Variants in RNF38 observed in about 807,000 individuals in gnomAD.
The protein encoded by RNF38 is E3 ubiquitin-protein ligase RNF38.
In RNF38, 15 loss-of-function variants were observed where a neutral mutation model predicts 67.2. The ratio of observed to expected loss-of-function variants is 0.22; its 90% CI spans 0.15 to 0.34. RNF38 has a LOEUF of 0.34. Among genes scored for constraint, RNF38 ranks in the 10% least tolerant of loss-of-function variants. The pLI, the probability that RNF38 is intolerant of heterozygous loss-of-function variation, is 1.00. For synonymous variants in RNF38, 220 were observed against 218.8 expected (o/e 1.01, Z -0.05); for missense variants, 524 against 639.9 (o/e 0.82, Z 1.95).
Position 36,367,939 on chromosome 9 carries a change from C to T in RNF38, c.570+1780G>A, listed in dbSNP as rs550340900. Among the ~76,000 whole-genome samples the T allele has an allele frequency of 2.0e-5, 3 of 152,336 alleles. No homozygotes were observed. In the East Asian group the frequency reaches 5.8e-4, roughly 29 times the overall value. On this transcript the variant is annotated intron_variant, in intron 4 of 11. Coordinates refer to ENST00000259605, the MANE Select transcript of RNF38 (RefSeq NM_022781.5). ...CGAGCTTGGCTCACTGCAACCTCCA[C>T]CTCACAGGTTCAAGCGCTTCTCCTG...
chr9:36,403,291 C>T (rs1838103132), upstream of RNF38, among the ~76,000 whole-genome samples: 2 of 152,246 alleles, frequency 1.3e-5, no homozygotes, highest in South Asian at 4.1e-4. Context: ...GAAAGTCCCA[C>T]TGCAGAACTA....
At chr9:36,487,330 G>A (rs1840441810) in exon 1 of RNF38, 4 of 985,204 alleles carry the variant, frequency 4.1e-6, no homozygotes, top group Middle Eastern at 5.2e-4. Flanking sequence ...CTCGGCCGCA[G>A]GCGCCGCCAC....
chr9:36,465,358 T>TC (rs1315353518), intron 1 of RNF38, among the ~76,000 whole-genome samples: 2 of 152,312 alleles, frequency 1.3e-5, no homozygotes, highest in East Asian at 3.9e-4. Flanking sequence ...TTCTTTTTTT[T>TC]CTTTCAAGAT....
intron 4 of RNF38, among the ~76,000 whole-genome samples, chr9:36,360,281 AAGCGGT>A (rs1320755688): frequency 6.6e-6 from 1 of 152,188 alleles, no homozygotes; most frequent in Non-Finnish European, 1.5e-5. Context: ...TTGCATGTCA[AAGCGGT>A]TAGTGTTAGT....
chr9:36,386,719 C>T (rs888344562), intron 2 of RNF38, among the ~76,000 whole-genome samples: 3 of 152,186 alleles, frequency 2.0e-5, no homozygotes, highest in African/African-American at 4.8e-5. Context: ...TGACAATGAC[C>T]TCTGGTCATC....
chr9:36,356,692 T>G (rs1221235037), intron 5 of RNF38, among the ~76,000 whole-genome samples: 1 of 146,900 alleles, frequency 6.8e-6, no homozygotes, highest in Non-Finnish European at 1.5e-5. Flanking sequence ...TTTTTATAAA[T>G]TGGTTGAAAT....
intron 1 of RNF38, among the ~76,000 whole-genome samples, chr9:36,456,951 T>C (rs1839609021): frequency 6.6e-6 from 1 of 152,094 alleles, no homozygotes; most frequent in South Asian, 2.1e-4. Context: ...TCATCCAAGG[T>C]CACTGGGTTT....
intron 4 of RNF38, among the ~76,000 whole-genome samples, chr9:36,360,015 G>C (rs567168654): frequency 6.6e-6 from 1 of 152,028 alleles, no homozygotes; most frequent in East Asian, 1.9e-4. Flanking sequence ...AAAGTGTTAG[G>C]ATTATAGGCG....
chr9:36,405,356 G>T (rs891602814), upstream of RNF38, among the ~76,000 whole-genome samples: 11 of 152,250 alleles, frequency 7.2e-5, no homozygotes, highest in South Asian at 2.3e-3. Flanking sequence ...GTTAATATGT[G>T]AATTTGATTG....
chr9:36,373,194 T>C (rs776377920), intron 3 of RNF38, among the ~76,000 whole-genome samples: 7 of 152,122 alleles, frequency 4.6e-5, no homozygotes, highest in Non-Finnish European at 8.8e-5. Flanking sequence ...GCAACAAGAC[T>C]GAAACTACAT....
chr9:36,367,802 G>A (rs1454071197), intron 4 of RNF38, among the ~76,000 whole-genome samples: 1 of 152,154 alleles, frequency 6.6e-6, no homozygotes, highest in Non-Finnish European at 1.5e-5. Context: ...CTATGATCTA[G>A]AATAGTTTAA....
At chr9:36,420,588 G>C (rs143801112) in intron 2 of RNF38, among the ~76,000 whole-genome samples, 1,660 of 148,306 alleles carry the variant, frequency 0.011, 30 homozygotes, top group African/African-American at 0.039. Context: ...CCCCTTCCCT[G>C]CTTTCTTATT....
chr9:36,421,654 ACT>A (rs1233617248), intron 2 of RNF38, among the ~76,000 whole-genome samples: 1 of 151,976 alleles, frequency 6.6e-6, no homozygotes, highest in Non-Finnish European at 1.5e-5. Flanking sequence ...TAAGAGCGAA[ACT>A]CTGTCTGAAA....
At chr9:36,446,510 T>G (rs1033553313) in intron 1 of RNF38, among the ~76,000 whole-genome samples, 2 of 152,108 alleles carry the variant, frequency 1.3e-5, no homozygotes, top group African/African-American at 2.4e-5. Context: ...CTTTATTAAG[T>G]TGAAATACAC....
chr9:36,355,774 C>G (rs1363727289), intron 6 of RNF38, among the ~76,000 whole-genome samples: 1 of 151,944 alleles, frequency 6.6e-6, no homozygotes, highest in Non-Finnish European at 1.5e-5. Context: ...TTAAGGTAAA[C>G]GTTTATACTA....
At chr9:36,360,025 G>A (rs1342994258) in intron 4 of RNF38, among the ~76,000 whole-genome samples, 4 of 151,852 alleles carry the variant, frequency 2.6e-5, no homozygotes, top group East Asian at 1.9e-4. Context: ...GATTATAGGC[G>A]TGAGCCACCG....
intron 1 of RNF38, among the ~76,000 whole-genome samples, chr9:36,474,335 G>C (rs1840075768): frequency 6.8e-6 from 1 of 147,884 alleles, no homozygotes; most frequent in African/African-American, 2.5e-5. Flanking sequence ...CCCTAGCATA[G>C]TAATTCAGAA....
intron 3 of RNF38, chr9:36,372,604 T>C (rs1157321186): frequency 2.9e-6 from 2 of 701,466 alleles, no homozygotes; most frequent in South Asian, 1.6e-5. Flanking sequence ...CTATATTAAG[T>C]AGTAAACAAG....
intron 2 of RNF38, among the ~76,000 whole-genome samples, chr9:36,385,539 C>T (rs531812187): frequency 3.2e-4 from 48 of 152,166 alleles, no homozygotes; most frequent in African/African-American, 1.1e-3. Context: ...CCACCACATC[C>T]GGATAATTTT....
Sources: gnomAD v4.1 joint callset for allele counts (sites outside exome capture counted in the v4.1 genomes callset) on GRCh38, gnomAD v4.1.1 for gene constraint, MANE v1.5 for transcripts, NCBI Gene and HGNC (gene_info 2026-07-23, HGNC 2026-07-21) for gene names.